Variants in MAML3 observed in about 807,000 individuals in gnomAD.
MAML3 encodes the protein mastermind-like protein 3.
In MAML3, 27 loss-of-function variants were observed where a neutral mutation model predicts 101.9. The observed-to-expected ratio is 0.27, with a 90% CI of 0.20 to 0.37. MAML3 has a LOEUF of 0.37. MAML3 is among the 10% of genes least tolerant of loss of function. The pLI, the probability that MAML3 is intolerant of heterozygous loss-of-function variation, is 1.00. For synonymous variants in MAML3, 501 were observed against 555.9 expected (o/e 0.90, Z 1.39); for missense variants, 1,316 against 1,444.9 (o/e 0.91, Z 1.45).
intron 2 of MAML3, among the ~76,000 whole-genome samples, chr4:139,823,706 T>C (rs994572163): frequency 1.3e-5 from 2 of 151,686 alleles, no homozygotes; most frequent in African/African-American, 4.8e-5. Context: ...TAACATACTA[T>C]GTAATTTACA....
chr4:139,999,554 G>C (rs1018197860), intron 1 of MAML3, among the ~76,000 whole-genome samples: 1 of 152,154 alleles, frequency 6.6e-6, no homozygotes, highest in Non-Finnish European at 1.5e-5. Context: ...CCTTATATTT[G>C]CTTTCTTAAG....
At chr4:139,922,517 C>G (rs182539332) in intron 1 of MAML3, among the ~76,000 whole-genome samples, 2 of 152,244 alleles carry the variant, frequency 1.3e-5, no homozygotes, top group Admixed American at 1.3e-4. Context: ...TTAGCTAAGT[C>G]TGAAAAATCA....
chr4:139,912,943 A>ATATAGCCAC (rs149725571), intron 1 of MAML3, among the ~76,000 whole-genome samples: 2,917 of 152,344 alleles, frequency 0.019, 86 homozygotes, highest in African/African-American at 0.067. Context: ...CTAGGAACTA[A>ATATAGCCAC]TATAGCCACA....
intron 1 of MAML3, among the ~76,000 whole-genome samples, chr4:140,034,614 T>G (rs1726956393): frequency 6.6e-6 from 1 of 152,206 alleles, no homozygotes; most frequent in African/African-American, 2.4e-5. Context: ...GCACAGTGGT[T>G]AAGAGCACTG....
intron 1 of MAML3, among the ~76,000 whole-genome samples, chr4:139,921,634 C>G (rs776775972): frequency 1.3e-5 from 2 of 152,030 alleles, no homozygotes; most frequent in African/African-American, 4.8e-5. Context: ...TCTCTCTCCC[C>G]CTCACCACAA....
chr4:140,023,068 G>C (rs1325003948), intron 1 of MAML3, among the ~76,000 whole-genome samples: 1 of 152,178 alleles, frequency 6.6e-6, no homozygotes, highest in African/African-American at 2.4e-5. Context: ...TTGCAGGAAA[G>C]ACACCTGTAT....
intron 1 of MAML3, among the ~76,000 whole-genome samples, chr4:140,092,131 T>TAA (rs931388704): frequency 2.7e-5 from 4 of 146,932 alleles, no homozygotes; most frequent in Non-Finnish European, 6.0e-5. Context: ...TATATATATA[T>TAA]AATATCAGAG....
At chr4:139,748,732 G>A (rs993925626) in intron 2 of MAML3, among the ~76,000 whole-genome samples, 4 of 146,038 alleles carry the variant, frequency 2.7e-5, no homozygotes, top group African/African-American at 5.2e-5. Flanking sequence ...CAGTCTGAAT[G>A]CAACTAGCTT....
chr4:139,729,094 C>T (rs1403054991), intron 3 of MAML3, among the ~76,000 whole-genome samples: 1 of 145,810 alleles, frequency 6.9e-6, no homozygotes, highest in South Asian at 2.2e-4. Flanking sequence ...ACAATAGCTG[C>T]CAGGCGGCTG....
chr4:139,999,698 T>C (rs77110623), intron 1 of MAML3, among the ~76,000 whole-genome samples: 3,425 of 152,330 alleles, frequency 0.022, 145 homozygotes, highest in African/African-American at 0.077. Context: ...TTGTATAGTG[T>C]CAAATGTCAT....
At chr4:139,900,692 A>G in intron 1 of MAML3, among the ~76,000 whole-genome samples, 1 of 152,236 alleles carries the variant, frequency 6.6e-6, no homozygotes, top group Non-Finnish European at 1.5e-5. Flanking sequence ...CAAGACTGTT[A>G]TCTTTGCAAA....
intron 1 of MAML3, among the ~76,000 whole-genome samples, chr4:140,070,115 C>CAAATAAAT (rs60471093): frequency 0.013 from 1,898 of 149,844 alleles, 38 homozygotes; most frequent in African/African-American, 0.045. Flanking sequence ...GACTCCATCT[C>CAAATAAAT]AAATAAATAA....
At chr4:139,920,047 T>C (rs1733095189) in intron 1 of MAML3, among the ~76,000 whole-genome samples, 1 of 152,254 alleles carries the variant, frequency 6.6e-6, no homozygotes, top group African/African-American at 2.4e-5. Flanking sequence ...TTTTCTAACC[T>C]AAATAAACTT....
intron 2 of MAML3, among the ~76,000 whole-genome samples, chr4:139,779,708 G>A (rs1730164028): frequency 6.6e-6 from 1 of 152,228 alleles, no homozygotes; most frequent in Admixed American, 6.5e-5. Context: ...CAGCGGAGGG[G>A]TGAGGGGCTG....
intron 1 of MAML3, among the ~76,000 whole-genome samples, chr4:140,143,817 T>C (rs977181175): frequency 1.3e-5 from 2 of 152,112 alleles, no homozygotes; most frequent in African/African-American, 4.8e-5. Context: ...AATCATGAAG[T>C]AAACAGCCAG....
intron 2 of MAML3, among the ~76,000 whole-genome samples, chr4:139,845,881 A>C (rs1731434740): frequency 6.6e-6 from 1 of 152,234 alleles, no homozygotes; most frequent in South Asian, 2.1e-4. Flanking sequence ...GTAAAATTAC[A>C]GTTCGTTAAG....
At chr4:139,729,293 C>A (rs1277180306) in intron 3 of MAML3, among the ~76,000 whole-genome samples, 1 of 151,914 alleles carries the variant, frequency 6.6e-6, no homozygotes, top group Non-Finnish European at 1.5e-5. Flanking sequence ...CCGTGTCCTA[C>A]ACAGGATACA....
At chr4:139,855,158 TG>T in intron 2 of MAML3, among the ~76,000 whole-genome samples, 1 of 152,154 alleles carries the variant, frequency 6.6e-6, no homozygotes, top group Non-Finnish European at 1.5e-5. Flanking sequence ...AGAGGATGAA[TG>T]GGGTATAGCT....
At chr4:139,745,367 A>C (rs1294398037) in intron 2 of MAML3, among the ~76,000 whole-genome samples, 1 of 152,204 alleles carries the variant, frequency 6.6e-6, no homozygotes, top group African/African-American at 2.4e-5. Flanking sequence ...AGTGTCAGGT[A>C]AGCTAGTGTC....
Sources: gnomAD v4.1 joint callset for allele counts (sites outside exome capture counted in the v4.1 genomes callset) on GRCh38, gnomAD v4.1.1 for gene constraint, MANE v1.5 for transcripts, NCBI Gene and HGNC (gene_info 2026-07-23, HGNC 2026-07-21) for gene names.